MSRA: variants seen among roughly 807,000 people sequenced by gnomAD.
MSRA encodes methionine sulfoxide reductase A.
Under a neutral mutation model 31.3 loss-of-function variants are expected in MSRA, and 54 were observed. That is an observed-to-expected ratio of 1.73 (90% CI 1.39 to 2.17). The LOEUF is 2.17. Among genes scored for constraint, MSRA ranks in the 30% most tolerant of loss-of-function variants. The pLI is 0.00. For missense variants in MSRA, 507 were observed against 300.9 expected (o/e 1.69, Z -5.07); for synonymous variants, 169 against 116.5 (o/e 1.45, Z -2.90).
chr8:10,245,323 A>T (rs1022973934), intron 3 of MSRA, 100 bp downstream of exon 3: 45 of 1,154,970 alleles, frequency 3.9e-5, no homozygotes, highest in East Asian at 7.2e-5. Flanking sequence ...ATGTTTTTTT[A>T]AAAATGTTTC....
chr8:10,098,766 C>T (rs1030791283), intron 1 of MSRA, among the ~76,000 whole-genome samples: 2 of 152,220 alleles, frequency 1.3e-5, no homozygotes, highest in Middle Eastern at 3.4e-3. Flanking sequence ...TTGAGTTGTT[C>T]AAGTCTTCTG....
chr8:10,163,934 CCTTT>C (rs1269991462), intron 1 of MSRA, among the ~76,000 whole-genome samples: 1 of 152,242 alleles, frequency 6.6e-6, no homozygotes, highest in Non-Finnish European at 1.5e-5. Flanking sequence ...CTAGAACCAG[CCTTT>C]CTGTCTCCAT....
chr8:10,286,036 G>C (rs1799916814), intron 3 of MSRA, among the ~76,000 whole-genome samples: 1 of 152,094 alleles, frequency 6.6e-6, no homozygotes, highest in Non-Finnish European at 1.5e-5. Flanking sequence ...GCATGTCAGA[G>C]GGAGCTGTGG....
intron 3 of MSRA, among the ~76,000 whole-genome samples, chr8:10,279,834 TG>T (rs1271456380): frequency 6.6e-6 from 1 of 152,334 alleles, no homozygotes; most frequent in Non-Finnish European, 1.5e-5. Context: ...TATGTATATA[TG>T]TATGATGTAA....
intron 1 of MSRA, among the ~76,000 whole-genome samples, chr8:10,181,794 G>A (rs1332480022): frequency 1.3e-5 from 2 of 152,190 alleles, no homozygotes; most frequent in Non-Finnish European, 2.9e-5. Context: ...GGGTCACATA[G>A]AGGTAGTCTC....
At chr8:10,134,904 C>T (rs1402504973) in intron 1 of MSRA, among the ~76,000 whole-genome samples, 1 of 152,206 alleles carries the variant, frequency 6.6e-6, no homozygotes, top group Non-Finnish European at 1.5e-5. Flanking sequence ...AGAGCTCTTG[C>T]CCCGGAGTGT....
intron 1 of MSRA, among the ~76,000 whole-genome samples, chr8:10,125,475 G>A (rs1376844772): frequency 6.6e-6 from 1 of 152,238 alleles, no homozygotes; most frequent in Non-Finnish European, 1.5e-5. Context: ...AGTGGTACCA[G>A]GGCCAGAGGG....
At chr8:10,407,183 A>G (rs921827522) in intron 5 of MSRA, among the ~76,000 whole-genome samples, 14 of 152,306 alleles carry the variant, frequency 9.2e-5, no homozygotes, top group African/African-American at 3.1e-4. Context: ...AGCCTAGACT[A>G]TGTGACATTT....
intron 1 of MSRA, among the ~76,000 whole-genome samples, chr8:10,170,742 TG>T (rs1354734111): frequency 3.9e-5 from 6 of 152,214 alleles, no homozygotes; most frequent in African/African-American, 1.4e-4. Context: ...TTGCTACCTA[TG>T]GGGTTTTGGA....
At position 10,254,754 on chromosome 8, in the gene MSRA, C is replaced by T. The variant is rs186060303; in HGVS notation, c.331+9531C>T. Among the ~76,000 whole-genome samples, 411 of 152,346 alleles carry T rather than the reference C, an allele frequency of 2.7e-3. 1 individual carries two copies. Among genetic ancestry groups the T allele is most frequent in the South Asian group, 0.023 (113 of 4,826 alleles). ...GACTGTCTCCTTCTAAGCCTTCACT[C>T]ATTTCCAGCAAATGCATTTTCACAT... On this transcript the variant is annotated intron_variant, in intron 3 of 5. Coordinates refer to ENST00000317173, the MANE Select transcript of MSRA (RefSeq NM_012331.5).
intron 5 of MSRA, among the ~76,000 whole-genome samples, chr8:10,339,774 C>A (rs1004662001): frequency 6.9e-6 from 1 of 144,528 alleles, no homozygotes; most frequent in Admixed American, 6.7e-5. Flanking sequence ...ATCTCCTGAC[C>A]TCGTGATCCC....
At chr8:10,160,516 A>C (rs1366683647) in intron 1 of MSRA, among the ~76,000 whole-genome samples, 1 of 152,054 alleles carries the variant, frequency 6.6e-6, no homozygotes, top group Non-Finnish European at 1.5e-5. Flanking sequence ...AAATCTATAT[A>C]GATCTCTATA....
chr8:10,221,625 A>G (rs1448491496), intron 2 of MSRA, among the ~76,000 whole-genome samples: 1 of 152,116 alleles, frequency 6.6e-6, no homozygotes, highest in Non-Finnish European at 1.5e-5. Flanking sequence ...ACAAACAAAA[A>G]TCTCTAGCAG....
chr8:10,162,213 T>C (rs1341140695), intron 1 of MSRA, among the ~76,000 whole-genome samples: 1 of 152,122 alleles, frequency 6.6e-6, no homozygotes, highest in Non-Finnish European at 1.5e-5. Context: ...CTCTTATTTA[T>C]TTTTATTTTG....
intron 1 of MSRA, among the ~76,000 whole-genome samples, chr8:10,146,641 C>T (rs1803169045): frequency 6.6e-6 from 1 of 152,004 alleles, no homozygotes; most frequent in African/African-American, 2.4e-5. Flanking sequence ...GACTAAAAGC[C>T]ATCGGATTGT....
rs116483358 is a variant in MSRA at position 10,386,648 on chromosome 8, G to A, written c.544-41500G>A. On this transcript the variant is annotated intron_variant, in intron 5 of 5. Coordinates refer to ENST00000317173, the MANE Select transcript of MSRA (RefSeq NM_012331.5). ...GGAGCTTCTGATTCAGCAGGACTGC[G>A]GTCCCAAAATAGGCATGTCTAACAA... 5.4e-3 allele frequency among the ~76,000 whole-genome samples: 821 copies of A among 152,112 alleles called. 10 individuals carry two copies. Among genetic ancestry groups the A allele is most frequent in the African/African-American group, 0.019 (776 of 41,482 alleles).
chr8:10,204,536 A>G (rs1808776622), intron 1 of MSRA, among the ~76,000 whole-genome samples: 2 of 152,236 alleles, frequency 1.3e-5, no homozygotes, highest in South Asian at 2.1e-4. Context: ...GTATAGTCAC[A>G]TGCTGTACAG....
Position 10,398,516 on chromosome 8 carries a change from A to C in MSRA, c.544-29632A>C, listed in dbSNP as rs141649615. Among the ~76,000 whole-genome samples, 86 of 152,334 alleles carry C rather than the reference A, an allele frequency of 5.6e-4. 2 individuals are homozygous for C. Among genetic ancestry groups the C allele is most frequent in the Admixed American group, 5.3e-3 (81 of 15,308 alleles). ...GACTACTGGGATTGCCTTTGCCCTG[A>C]GATGGACTTGTCAGTGCCAGCAGAA... is the stretch of plus-strand genomic sequence containing the variant. On this transcript the variant is annotated intron_variant, in intron 5 of 5. Transcript: ENST00000317173.
intron 1 of MSRA, among the ~76,000 whole-genome samples, chr8:10,138,473 C>T (rs1802457827): frequency 1.3e-5 from 2 of 152,206 alleles, no homozygotes; most frequent in Non-Finnish European, 2.9e-5. Flanking sequence ...TTTCAAAATA[C>T]ATTCTTTGTT....
Sources: allele counts gnomAD v4.1 joint callset (sites outside exome capture counted in the v4.1 genomes callset), GRCh38; gene constraint gnomAD v4.1.1; transcripts MANE v1.5; gene names NCBI Gene and HGNC (gene_info 2026-07-23, HGNC 2026-07-21).